CDK9: variants seen among roughly 807,000 people sequenced by gnomAD.
CDK9 encodes the protein cyclin-dependent kinase 9.
Under a neutral mutation model 39.0 loss-of-function variants are expected in CDK9, and 34 were observed. The ratio of observed to expected loss-of-function variants is 0.87; its 90% CI spans 0.66 to 1.16. CDK9 has a LOEUF of 1.16. Ranked by LOEUF, CDK9 falls within the 50% of genes most tolerant of loss-of-function variation. The probability of loss-of-function intolerance (pLI) is 0.00; values close to 1 mark genes in which losing one functional copy is unlikely to be tolerated. For missense variants in CDK9, 369 were observed against 503.2 expected, an observed-to-expected ratio of 0.73 and a Z score of 2.55; for synonymous variants, 233 against 196.2, an observed-to-expected ratio of 1.19 and a Z score of -1.57.
At position 127,789,305 on chromosome 9, in the gene CDK9, A is replaced by T. The variant is rs774385639; in HGVS notation, c.881A>T (p.Lys294Met). 1 of 1,613,980 alleles carries T rather than the reference A, an allele frequency of 6.2e-7. No individual in the cohort carries two copies. The highest frequency in any genetic ancestry group is 1.1e-5 in the South Asian group (1 of 91,090). ...CCATACGCACTGGACCTCATCGACA[A>T]GCTGCTGGTGCTGGACCCTGCCCAG... ...RDPYALDLID[K>M]LLVLDPAQRI... Residue 294 changes from lysine (K) to methionine (M), a missense_variant, in exon 7 of 7, where the codon AAG becomes ATG. Transcript: ENST00000373264. This position sits in a 1 kb window ranked among gnomAD's most constrained non-coding sequence, Gnocchi z 5.2.
chr9:127,788,492 C>G (rs552379480), intron 5 of CDK9, 52 bp from the exon 6 acceptor site: 1 of 1,531,840 alleles, frequency 6.5e-7, no homozygotes, highest in African/African-American at 1.4e-5. Flanking sequence ...GGCATTGAGC[C>G]TCAGGAGGCC....
chr9:127,787,393 C>T, intron 2 of CDK9, 125 bp from the exon 3 acceptor site: 1 of 634,382 alleles, frequency 1.6e-6, no homozygotes, highest in East Asian at 2.6e-5. Flanking sequence ...GACAAGGCTT[C>T]TGAGACAGCT....
Position 127,789,599 on chromosome 9 carries a change from G to C in CDK9, c.*56G>C, listed in dbSNP as rs1386854237. The stretch of plus-strand genomic sequence containing the variant: ...TTTTTTTTCTTCTGCTATGTGACTT[G>C]CATCGTGGAGACAGGGCATTTGAGT... On this transcript the variant is annotated 3_prime_UTR_variant, in exon 7 of 7. Coordinates refer to ENST00000373264, the MANE Select transcript of CDK9 (RefSeq NM_001261.4). The surrounding 1 kb of genome is among the most constrained non-coding windows in gnomAD (Gnocchi z 5.2). 8.3e-6 allele frequency: 13 copies of C among 1,573,234 alleles called. No homozygotes were observed. The highest frequency in any genetic ancestry group is 1.1e-5 in the Non-Finnish European group (13 of 1,160,776).
rs1829403988 is a variant in CDK9 at position 127,790,197 on chromosome 9, G to A, written c.*654G>A. The A allele has an allele frequency of 6.6e-6, 1 of 151,840 alleles. No homozygotes were observed. Among genetic ancestry groups the A allele is most frequent in the Admixed American group, 6.6e-5 (1 of 15,234 alleles). The allele number at this position is 151,840 out of a possible 1,614,324, so 9.4% of individuals were successfully genotyped here. Reference sequence around the variant, plus strand: ...CTGACCATTGGGACTTGATTGTCAAGTCACTGGAGGTCTTGACTTTTTTAT... The same window carrying A: ...CTGACCATTGGGACTTGATTGTCAAATCACTGGAGGTCTTGACTTTTTTAT... On this transcript the variant is annotated 3_prime_UTR_variant, in exon 7 of 7. Coordinates refer to ENST00000373264, the MANE Select transcript of CDK9 (RefSeq NM_001261.4).
rs1471948542 is a variant in CDK9 at position 127,789,147 on chromosome 9, C to T, written c.754-31C>T. On this transcript the variant is annotated intron_variant, in intron 6 of 6. Transcript: ENST00000373264. The surrounding 1 kb of genome is among the most constrained non-coding windows in gnomAD (Gnocchi z 5.2). ...AAGCCACGCACCTCCTGACCGGACT[C>T]CATATTCTCTCAACGCCCCCTCCCT... The T allele has an allele frequency of 6.5e-7, 1 of 1,537,892 alleles. No individual in the cohort carries two copies. Among genetic ancestry groups the T allele is most frequent in the Non-Finnish European group, 8.8e-7 (1 of 1,140,688 alleles).
Position 127,789,858 on chromosome 9 carries a change from C to T in CDK9, c.*315C>T, listed in dbSNP as rs1829396593. 5.6e-6 allele frequency: 2 copies of T among 357,942 alleles called. No homozygotes were observed. The highest frequency in any genetic ancestry group is 6.0e-5 in the South Asian group (2 of 33,490). The allele number at this position is 357,942 out of a possible 1,614,324, so 22.2% of individuals were successfully genotyped here. A position where few individuals can be genotyped will look rare whatever the true frequency, so the allele number is the denominator to read the frequency against. On this transcript the variant is annotated 3_prime_UTR_variant, in exon 7 of 7. Coordinates refer to ENST00000373264, the MANE Select transcript of CDK9 (RefSeq NM_001261.4). The surrounding 1 kb of genome is among the most constrained non-coding windows in gnomAD (Gnocchi z 5.2). The stretch of plus-strand genomic sequence containing the variant: ...GTGGTGGAAGAGGGGACAGGTCCCT[C>T]ACCCACCCACAATCCTATTCTCGGG...
In CDK9 at chr9:127,786,715, C is replaced by G. The variant is rs779167622; in HGVS notation, c.107C>G (p.Ala36Gly). Residue 36 changes from alanine (A) to glycine (G), a missense_variant, in exon 2 of 7, where the codon GCC becomes GGC. Physicochemically the swap from Ala to Gly is moderately conservative, Grantham distance 60. Coordinates refer to ENST00000373264, the MANE Select transcript of CDK9 (RefSeq NM_001261.4). ...TCCGCCTGCAGGGAGGTGTTCAAGG[C>G]CAGGCACCGCAAGACCGGCCAGAAG... is the stretch of plus-strand genomic sequence containing the variant. ...GQGTFGEVFKARHRKTGQKVA... is the reference protein window; with the variant it reads ...GQGTFGEVFKGRHRKTGQKVA... 4.3e-6 allele frequency: 7 copies of G among 1,613,850 alleles called. No individual in the cohort carries two copies. The highest frequency in any genetic ancestry group is 5.9e-6 in the Non-Finnish European group (7 of 1,179,910).
In CDK9 at chr9:127,788,194, C is replaced by T; in HGVS notation, c.433-20C>T. On this transcript the variant is annotated intron_variant, in intron 4 of 6. Coordinates refer to ENST00000373264, the MANE Select transcript of CDK9 (RefSeq NM_001261.4). ...CCCGGGTGGATGTCACTAAAGGACC[C>T]ACTCTTGCCCTTCCTGCAGATCCTG... is the stretch of plus-strand genomic sequence containing the variant. 1.2e-6 allele frequency: 2 copies of T among 1,613,690 alleles called. No individual in the cohort carries two copies. Among genetic ancestry groups the T allele is most frequent in the South Asian group, 2.2e-5 (2 of 91,078 alleles).
At position 127,789,047 on chromosome 9, in the gene CDK9, G is replaced by T; in HGVS notation, c.754-131G>T. On this transcript the variant is annotated intron_variant, in intron 6 of 6. Transcript: ENST00000373264. The surrounding 1 kb of genome is among the most constrained non-coding windows in gnomAD (Gnocchi z 5.2). ...AATCCATAGCGGGCACTGCTTCTGG[G>T]AGGGGTCGAGTAGCAGTCTGGGAGC... 1 of 1,204,262 alleles carries T rather than the reference G, an allele frequency of 8.3e-7. No homozygotes were observed. The highest frequency in any genetic ancestry group is 1.5e-5 in the South Asian group (1 of 64,832). 74.6% of individuals were successfully genotyped at this position (1,204,262 alleles called of 1,614,324 possible). A position where few individuals can be genotyped will look rare whatever the true frequency, so the allele number is the denominator to read the frequency against.
intron 1 of CDK9, 127 bp from the exon 2 acceptor site, chr9:127,786,574 G>A (rs1040334979): frequency 1.3e-6 from 1 of 790,654 alleles, no homozygotes; most frequent in Non-Finnish European, 2.0e-6. Context: ...GTAGCCGCGT[G>A]CCCTGGGTAC....
intron 6 of CDK9, 131 bp downstream of exon 6, chr9:127,788,823 G>A: frequency 1.0e-6 from 1 of 969,834 alleles, no homozygotes; most frequent in Non-Finnish European, 1.5e-6. Context: ...GTCTTGGGGT[G>A]GGGAGTGTGT....
chr9:127,790,188 G>C lies in CDK9; in HGVS notation c.*645G>C, dbSNP rs375388761. On this transcript the variant is annotated 3_prime_UTR_variant, in exon 7 of 7. Coordinates refer to ENST00000373264, the MANE Select transcript of CDK9 (RefSeq NM_001261.4). Reference sequence around the variant, plus strand: ...AGGTTGGGCCTGACCATTGGGACTTGATTGTCAAGTCACTGGAGGTCTTGA... The same window carrying C: ...AGGTTGGGCCTGACCATTGGGACTTCATTGTCAAGTCACTGGAGGTCTTGA... 3.4e-4 allele frequency: 52 copies of C among 151,898 alleles called. No individual in the cohort carries two copies. The highest frequency in any genetic ancestry group is 1.2e-3 in the African/African-American group (51 of 41,400). 9.4% of individuals were successfully genotyped at this position (151,898 alleles called of 1,614,324 possible).
chr9:127,788,951 T>C (rs1829381625), intron 6 of CDK9, among the ~76,000 whole-genome samples: 1 of 152,130 alleles, frequency 6.6e-6, no homozygotes, highest in South Asian at 2.1e-4. Context: ...ACCAGAAATG[T>C]GACGTGTATC....
chr9:127,788,154 G>A (rs1478684280), intron 4 of CDK9, 41 bp downstream of exon 4: 1 of 1,613,496 alleles, frequency 6.2e-7, no homozygotes. Context: ...GCTTGGGCTG[G>A]TCTTGGCTCC....
Position 127,786,052 on chromosome 9 carries a change from C to G in CDK9, c.-97C>G. On this transcript the variant is annotated 5_prime_UTR_variant, in exon 1 of 7. Coordinates refer to ENST00000373264, the MANE Select transcript of CDK9 (RefSeq NM_001261.4). ...AGTGGCCGTGGAGGCGGAAGTGGCG[C>G]GGCCGCGGAGGGGCCTGGAGTGCGG... The G allele has an allele frequency of 4.2e-6, 3 of 717,030 alleles. No individual in the cohort carries two copies. In the South Asian group the frequency reaches 1.1e-4, roughly 25 times the overall value. 44.4% of individuals were successfully genotyped at this position (717,030 alleles called of 1,614,324 possible). A position where few individuals can be genotyped will look rare whatever the true frequency, so the allele number is the denominator to read the frequency against.
intron 1 of CDK9, 92 bp downstream of exon 1, chr9:127,786,332 AGTC>A: frequency 9.5e-7 from 1 of 1,054,026 alleles, no homozygotes; most frequent in Non-Finnish European, 1.4e-6. Context: ...TTGGTAGAGA[AGTC>A]GTCTGTCCCC....
At position 127,789,488 on chromosome 9, in the gene CDK9, A is replaced by G; in HGVS notation, c.1064A>G (p.Asn355Ser). Residue 355 changes from asparagine to serine, a missense_variant, in exon 7 of 7, where the codon AAC becomes AGC. By Grantham distance (46) the Asn-to-Ser change is conservative. Transcript: ENST00000373264. This position sits in a 1 kb window ranked among gnomAD's most constrained non-coding sequence, Gnocchi z 5.2. The stretch of plus-strand genomic sequence containing the variant: ...AGCCAGATCACCCAGCAGTCCACCA[A>G]CCAGAGTCGCAATCCCGCCACCACC... ...KGSQITQQST[N>S]QSRNPATTNQ... The G allele has an allele frequency of 6.2e-7, 1 of 1,613,976 alleles. No individual in the cohort carries two copies. Among genetic ancestry groups the G allele is most frequent in the Non-Finnish European group, 8.5e-7 (1 of 1,180,008 alleles).
intron 6 of CDK9, among the ~76,000 whole-genome samples, chr9:127,788,908 C>T (rs1311601398): frequency 6.6e-6 from 1 of 152,176 alleles, no homozygotes; most frequent in African/African-American, 2.4e-5. Flanking sequence ...TTGGGCAGAA[C>T]ATCTGAGTCA....
At position 127,788,530 on chromosome 9, in the gene CDK9, G is replaced by A. The variant is rs748596903; in HGVS notation, c.605-14G>A. ...CGGGCTCAAGGGGCCCTCCTGGTGCGCTCTTCTTCCCAGGGGAGCGGGACT... is the reference window on the plus strand; with the variant it reads ...CGGGCTCAAGGGGCCCTCCTGGTGCACTCTTCTTCCCAGGGGAGCGGGACT... On this transcript the variant is annotated splice_polypyrimidine_tract_variant and intron_variant, in intron 5 of 6. Transcript: ENST00000373264. 1.2e-5 allele frequency: 19 copies of A among 1,551,710 alleles called. No homozygotes were observed. Among genetic ancestry groups the A allele is most frequent in the Admixed American group, 4.0e-5 (2 of 50,308 alleles).
Sources: allele counts gnomAD v4.1 joint callset (sites outside exome capture counted in the v4.1 genomes callset), GRCh38; gene constraint gnomAD v4.1.1; non-coding constraint Gnocchi (gnomAD v3.1); transcripts MANE v1.5; gene names NCBI Gene and HGNC (gene_info 2026-07-23, HGNC 2026-07-21).